Variants in FER observed in about 807,000 individuals in gnomAD.
FER encodes tyrosine-protein kinase Fer.
Under a neutral mutation model 111.0 loss-of-function variants are expected in FER, and 63 were observed. That is an observed-to-expected ratio of 0.57 (90% confidence interval 0.46 to 0.70). FER has a LOEUF of 0.70. Ranked by LOEUF, FER falls within the 30% of genes least tolerant of loss-of-function variation. The pLI, the probability that FER is intolerant of heterozygous loss-of-function variation, is 0.00. For synonymous variants in FER, 327 were observed against 313.9 expected, an observed-to-expected ratio of 1.04 and a Z score of -0.44; for missense variants, 914 against 954.0, an observed-to-expected ratio of 0.96 and a Z score of 0.55.
At chr5:108,875,090 G>A (rs909893160) in intron 8 of FER, among the ~76,000 whole-genome samples, 1 of 151,946 alleles carries the variant, frequency 6.6e-6, no homozygotes, top group Non-Finnish European at 1.5e-5. Flanking sequence ...GCATTTTATC[G>A]TAATCTCATT....
intron 16 of FER, among the ~76,000 whole-genome samples, chr5:109,061,985 C>G (rs1774471461): frequency 6.7e-6 from 1 of 149,624 alleles, no homozygotes; most frequent in Admixed American, 6.6e-5. Context: ...CAAGATGATT[C>G]TGTCTTTGTT....
chr5:108,887,380 T>C (rs1747340365), intron 9 of FER, among the ~76,000 whole-genome samples: 1 of 151,654 alleles, frequency 6.6e-6, no homozygotes, highest in South Asian at 2.1e-4. Flanking sequence ...TTGATTCCTA[T>C]AATTGAATAA....
At chr5:109,175,278 T>C (rs1212685155) in intron 17 of FER, among the ~76,000 whole-genome samples, 1 of 152,220 alleles carries the variant, frequency 6.6e-6, no homozygotes, top group African/African-American at 2.4e-5. Context: ...CTACTTTCTG[T>C]TTAAGTGGTT....
intron 16 of FER, among the ~76,000 whole-genome samples, chr5:109,091,406 C>T (rs951007258): frequency 1.3e-5 from 2 of 152,198 alleles, no homozygotes; most frequent in African/African-American, 4.8e-5. Context: ...CCATATGGTG[C>T]TAACTGCAGG....
chr5:109,060,806 T>C (rs964424978), intron 16 of FER, among the ~76,000 whole-genome samples: 3 of 150,424 alleles, frequency 2.0e-5, no homozygotes, highest in Admixed American at 6.6e-5. Context: ...AACACACATA[T>C]GTAAACATCT....
intron 13 of FER, among the ~76,000 whole-genome samples, chr5:109,034,680 T>C (rs1053206722): frequency 2.0e-5 from 3 of 152,142 alleles, no homozygotes; most frequent in East Asian, 1.9e-4. Context: ...GGTTGTTTTT[T>C]CTTTTTGTGT....
chr5:109,022,938 A>T (rs1162794354), intron 13 of FER, among the ~76,000 whole-genome samples: 1 of 152,146 alleles, frequency 6.6e-6, no homozygotes, highest in Non-Finnish European at 1.5e-5. Flanking sequence ...CTTGGTTTTT[A>T]ATCTAAGAGC....
At chr5:108,891,919 GT>G (rs1178072023) in intron 9 of FER, among the ~76,000 whole-genome samples, 7 of 151,854 alleles carry the variant, frequency 4.6e-5, no homozygotes, top group Non-Finnish European at 8.8e-5. Flanking sequence ...GCGGTGTTTG[GT>G]TTTTTTGTCC....
At chr5:109,054,318 G>A (rs1421710205) in intron 16 of FER, among the ~76,000 whole-genome samples, 1 of 152,156 alleles carries the variant, frequency 6.6e-6, no homozygotes, top group Non-Finnish European at 1.5e-5. Context: ...TTAGTTGTTA[G>A]CCTTTCTAAT....
chr5:108,760,209 T>C (rs1413300052), intron 1 of FER, among the ~76,000 whole-genome samples: 2 of 151,296 alleles, frequency 1.3e-5, no homozygotes, highest in East Asian at 3.9e-4. Flanking sequence ...GCTTAAAATA[T>C]TCAGTAAACC....
chr5:109,001,455 A>C (rs977219694), intron 13 of FER, among the ~76,000 whole-genome samples: 2 of 152,218 alleles, frequency 1.3e-5, no homozygotes, highest in Non-Finnish European at 2.9e-5. Context: ...AAAAACTCTC[A>C]ATCAATTAGG....
chr5:109,035,899 AT>A (rs1303430542), intron 13 of FER, among the ~76,000 whole-genome samples: 1 of 152,162 alleles, frequency 6.6e-6, no homozygotes, highest in Non-Finnish European at 1.5e-5. Context: ...GTATTTGTAT[AT>A]CACTGGTGAC....
chr5:108,770,855 G>A (rs1752822045), intron 2 of FER, among the ~76,000 whole-genome samples: 1 of 151,994 alleles, frequency 6.6e-6, no homozygotes, highest in South Asian at 2.1e-4. Context: ...AAAGTGAAAT[G>A]GAATAAACCT....
At chr5:108,906,032 C>A (rs924256050) in intron 10 of FER, among the ~76,000 whole-genome samples, 4 of 152,158 alleles carry the variant, frequency 2.6e-5, no homozygotes, top group Admixed American at 2.0e-4. Context: ...TGGTTTGAGT[C>A]TTTGCCTCAC....
At chr5:108,997,847 A>AG (rs1764199092) in intron 13 of FER, among the ~76,000 whole-genome samples, 1 of 152,000 alleles carries the variant, frequency 6.6e-6, no homozygotes, top group Non-Finnish European at 1.5e-5. Flanking sequence ...AGGAATCTAG[A>AG]GGGGCAGTCT....
At chr5:109,033,265 T>C (rs755808936) in intron 13 of FER, among the ~76,000 whole-genome samples, 2 of 152,112 alleles carry the variant, frequency 1.3e-5, no homozygotes, top group Non-Finnish European at 2.9e-5. Context: ...AGTCTGCTTG[T>C]CCCTTTACAA....
intron 17 of FER, among the ~76,000 whole-genome samples, chr5:109,168,306 T>G (rs1756760474): frequency 6.6e-6 from 1 of 152,148 alleles, no homozygotes; most frequent in Non-Finnish European, 1.5e-5. Flanking sequence ...TATATGCTAA[T>G]GAGTTGACTG....
intron 8 of FER, among the ~76,000 whole-genome samples, chr5:108,881,282 C>A (rs948674215): frequency 1.3e-5 from 2 of 152,104 alleles, no homozygotes; most frequent in African/African-American, 4.8e-5. Context: ...GCTTGGGAGG[C>A]CTCACAATCA....
At chr5:108,980,673 A>G (rs1008701242) in intron 13 of FER, among the ~76,000 whole-genome samples, 6 of 152,150 alleles carry the variant, frequency 3.9e-5, no homozygotes, top group African/African-American at 1.2e-4. Flanking sequence ...ATGAAGAAAC[A>G]GTGTTTATAG....
Sources: allele counts gnomAD v4.1 joint callset (sites outside exome capture counted in the v4.1 genomes callset), GRCh38; gene constraint gnomAD v4.1.1; transcripts MANE v1.5; gene names NCBI Gene and HGNC (gene_info 2026-07-23, HGNC 2026-07-21).